The following PRKN variants were observed in gnomAD, a reference collection of about 807,000 sequenced individuals.
PRKN encodes parkin RBR E3 ubiquitin protein ligase.
PRKN carries 56 observed loss-of-function variants against 59.5 expected under a neutral mutation model. The ratio of observed to expected loss-of-function variants is 0.94; its 90% CI spans 0.76 to 1.18. The LOEUF is 1.18. PRKN is among the 50% of genes most tolerant of loss of function. The pLI, the probability that PRKN is intolerant of heterozygous loss-of-function variation, is 0.00. For synonymous variants in PRKN, 250 were observed against 222.1 expected, an observed-to-expected ratio of 1.13 and a Z score of -1.12; for missense variants, 657 against 596.4, an observed-to-expected ratio of 1.10 and a Z score of -1.06.
chr6:162,240,443 A>T (rs1234248800), intron 3 of PRKN, among the ~76,000 whole-genome samples: 1 of 152,180 alleles, frequency 6.6e-6, no homozygotes, highest in Non-Finnish European at 1.5e-5. Flanking sequence ...AAAAATTTAG[A>T]GATATTAACG....
intron 2 of PRKN, among the ~76,000 whole-genome samples, chr6:162,328,835 G>C (rs968164023): frequency 1.3e-5 from 2 of 152,186 alleles, no homozygotes; most frequent in African/African-American, 4.8e-5. Context: ...GTCATGCCCG[G>C]TTCCTGGGCC....
intron 7 of PRKN, among the ~76,000 whole-genome samples, chr6:161,587,393 AG>A (rs778070019): frequency 6.6e-6 from 1 of 152,366 alleles, no homozygotes; most frequent in Admixed American, 6.5e-5. Flanking sequence ...AGAGGGATTA[AG>A]GATGCTAGTA....
At chr6:162,532,458 G>C (rs1056938843) in intron 1 of PRKN, among the ~76,000 whole-genome samples, 1 of 152,138 alleles carries the variant, frequency 6.6e-6, no homozygotes, top group Non-Finnish European at 1.5e-5. Context: ...AGAGTCCCTT[G>C]GGTAGTATCT....
At chr6:162,621,952 C>G (rs1333207043) in intron 1 of PRKN, among the ~76,000 whole-genome samples, 1 of 152,086 alleles carries the variant, frequency 6.6e-6, no homozygotes, top group Non-Finnish European at 1.5e-5. Flanking sequence ...GGAGCTGGGA[C>G]TACAGGTATA....
chr6:161,814,185 C>T (rs1372523288), intron 6 of PRKN, among the ~76,000 whole-genome samples: 1 of 152,186 alleles, frequency 6.6e-6, no homozygotes, highest in Non-Finnish European at 1.5e-5. Flanking sequence ...TACTCTTATT[C>T]AAGCATTGTG....
Position 161,592,430 on chromosome 6 carries a change from G to A in PRKN, c.872-23014C>T, listed in dbSNP as rs546702488. Among the ~76,000 whole-genome samples the A allele has an allele frequency of 1.3e-3, 195 of 152,174 alleles. 1 individual carries two copies. The highest frequency in any genetic ancestry group is 4.4e-3 in the African/African-American group (182 of 41,504). On this transcript the variant is annotated intron_variant, in intron 7 of 11. Transcript: ENST00000366898. The surrounding 1 kb of genome is among the most constrained non-coding windows in gnomAD (Gnocchi z 4.8). ...TTTATATAATGTGGGGCTAGTAGAC[G>A]AAAGAATATCAATATCATTTGATGA... is the stretch of plus-strand genomic sequence containing the variant.
In PRKN at chr6:161,561,637, G is replaced by A. The variant is rs191965757; in HGVS notation, c.933+7718C>T. Among the ~76,000 whole-genome samples the A allele has an allele frequency of 6.6e-6, 1 of 152,192 alleles. No homozygotes were observed. Among genetic ancestry groups the A allele is most frequent in the Non-Finnish European group, 1.5e-5 (1 of 68,012 alleles). ...AGTGGCCTTCCTCCTGTTAGGGGCC[G>A]ATTCCTCCCTCTCTGCTGGATCTGA... is the stretch of plus-strand genomic sequence containing the variant. On this transcript the variant is annotated intron_variant, in intron 8 of 11. Transcript: ENST00000366898. This position sits in a 1 kb window ranked among gnomAD's most constrained non-coding sequence, Gnocchi z 5.0.
intron 1 of PRKN, among the ~76,000 whole-genome samples, chr6:162,608,499 G>A (rs1321015669): frequency 6.6e-6 from 1 of 152,186 alleles, no homozygotes; most frequent in Admixed American, 6.5e-5. Context: ...ACTCTTCTGT[G>A]AGCAAGAAAG....
At chr6:162,332,715 G>A (rs906385579) in intron 2 of PRKN, among the ~76,000 whole-genome samples, 1 of 152,090 alleles carries the variant, frequency 6.6e-6, no homozygotes, top group Non-Finnish European at 1.5e-5. Flanking sequence ...CGCACTGTGT[G>A]AATGGTGTCC....
At position 162,015,109 on chromosome 6, in the gene PRKN, T is replaced by C. The variant is rs932356867; in HGVS notation, c.618+38982A>G. Among the ~76,000 whole-genome samples the C allele has an allele frequency of 2.0e-5, 3 of 152,270 alleles. No individual in the cohort carries two copies. In the South Asian group the frequency reaches 6.2e-4, roughly 32 times the overall value. On this transcript the variant is annotated intron_variant, in intron 5 of 11. Transcript: ENST00000366898. ...CTTTTGCGATTGATCCTTTTGAAAA[T>C]TGGAAGCCAACCGTTCAAATTTATT...
intron 5 of PRKN, among the ~76,000 whole-genome samples, chr6:162,036,248 C>CCA (rs1562475795): frequency 1.3e-5 from 2 of 151,612 alleles, no homozygotes; most frequent in African/African-American, 4.8e-5. Flanking sequence ...GGCGTGAACC[C>CCA]GGGAGGCGGA....
intron 1 of PRKN, among the ~76,000 whole-genome samples, chr6:162,698,642 A>G (rs982821532): frequency 1.3e-5 from 2 of 152,118 alleles, no homozygotes; most frequent in East Asian, 1.9e-4. Flanking sequence ...AGCTGCAGAG[A>G]TAAGAACTGA....
intron 1 of PRKN, among the ~76,000 whole-genome samples, chr6:162,517,120 T>C (rs997035082): frequency 1.3e-5 from 2 of 150,708 alleles, no homozygotes; most frequent in African/African-American, 2.4e-5. Context: ...ATCAACAGTT[T>C]ATACAAATTG....
In PRKN at chr6:161,503,607, G is replaced by A. The variant is rs1241037956; in HGVS notation, c.1083+45247C>T. ...GGACTGGACTGAGGGGGCTATGGGGGCGACCTAGTCTAGCTGGGTTCTAAG... is the reference window on the plus strand; with the variant it reads ...GGACTGGACTGAGGGGGCTATGGGGACGACCTAGTCTAGCTGGGTTCTAAG... On this transcript the variant is annotated intron_variant, in intron 9 of 11. Coordinates refer to ENST00000366898, the MANE Select transcript of PRKN (RefSeq NM_004562.3). This position sits in a 1 kb window ranked among gnomAD's most constrained non-coding sequence, Gnocchi z 5.1. Among the ~76,000 whole-genome samples the A allele has an allele frequency of 3.3e-5, 5 of 152,172 alleles. No homozygotes were observed. Among genetic ancestry groups the A allele is most frequent in the Non-Finnish European group, 7.3e-5 (5 of 68,034 alleles).
In PRKN at chr6:162,011,503, T is replaced by C; in HGVS notation, c.619-38086A>G. ...ATATTATAATATATATAATATATATTTATTATATATATATTATATATATAT... is the reference window on the plus strand; with the variant it reads ...ATATTATAATATATATAATATATATCTATTATATATATATTATATATATAT... On this transcript the variant is annotated intron_variant, in intron 5 of 11. Transcript: ENST00000366898. Among the ~76,000 whole-genome samples, 4 of 38,286 alleles carry C rather than the reference T, an allele frequency of 1.0e-4. 1 individual carries two copies. The highest frequency in any genetic ancestry group is 1.8e-4 in the Non-Finnish European group (4 of 22,534). The allele number at this position is 38,286 out of a possible 152,430, so 25.1% of individuals were successfully genotyped here.
chr6:161,426,676 C>CACACACACACACACAAACACAT (rs11271613), intron 9 of PRKN, among the ~76,000 whole-genome samples: 1 of 142,678 alleles, frequency 7.0e-6, no homozygotes, highest in Non-Finnish European at 1.5e-5. Context: ...CACACACACA[C>CACACACACACACACAAACACAT]CTCCTATTAG....
At chr6:162,289,171 G>C (rs934952353) in intron 2 of PRKN, among the ~76,000 whole-genome samples, 1 of 152,142 alleles carries the variant, frequency 6.6e-6, no homozygotes, top group Non-Finnish European at 1.5e-5. Flanking sequence ...TCTGAGGGCT[G>C]GGAGAGAAGG....
intron 7 of PRKN, among the ~76,000 whole-genome samples, chr6:161,577,442 C>T (rs538287667): frequency 1.2e-4 from 18 of 152,230 alleles, no homozygotes; most frequent in Admixed American, 6.5e-4. Context: ...AATTCAATAA[C>T]GTATAGACCT....
chr6:161,377,600 G>A lies in PRKN; in HGVS notation c.1167+9194C>T, dbSNP rs775078894. Among the ~76,000 whole-genome samples the A allele has an allele frequency of 3.9e-4, 60 of 152,350 alleles. No homozygotes were observed. The highest frequency in any genetic ancestry group is 1.5e-3 in the East Asian group (8 of 5,180). ...TTGGGCAACGCAACTGCTATGGTCC[G>A]AGTGTTTGTGTCTCCCCAGATTCCT... is the stretch of plus-strand genomic sequence containing the variant. On this transcript the variant is annotated intron_variant, in intron 10 of 11. Coordinates refer to ENST00000366898, the MANE Select transcript of PRKN (RefSeq NM_004562.3). This position sits in a 1 kb window ranked among gnomAD's most constrained non-coding sequence, Gnocchi z 4.2.
Sources: allele counts gnomAD v4.1 joint callset (sites outside exome capture counted in the v4.1 genomes callset), GRCh38; gene constraint gnomAD v4.1.1; non-coding constraint Gnocchi (gnomAD v3.1); transcripts MANE v1.5; gene names NCBI Gene and HGNC (gene_info 2026-07-23, HGNC 2026-07-21).